The following GFOD1 variants were observed in gnomAD, a reference collection of about 807,000 sequenced individuals.
The protein encoded by GFOD1 is glucose-fructose oxidoreductase domain-containing protein 1.
A neutral mutation model predicts 25.4 loss-of-function variants in GFOD1; 9 were observed. That is an observed-to-expected ratio of 0.35 (90% CI 0.21 to 0.62). GFOD1 has a LOEUF of 0.62. Ranked by LOEUF, GFOD1 falls within the 20% of genes least tolerant of loss-of-function variation. GFOD1 has a pLI of 0.72. For synonymous variants in GFOD1, 253 were observed against 245.6 expected (o/e 1.03, Z -0.28); for missense variants, 403 against 556.9 (o/e 0.72, Z 2.78).
At chr6:13,409,898 G>A (rs1341992003) in intron 1 of GFOD1, among the ~76,000 whole-genome samples, 1 of 91,722 alleles carries the variant, frequency 1.1e-5, no homozygotes, top group Non-Finnish European at 2.9e-5. Context: ...ACTCTAGCCT[G>A]GGCGACAGAG....
intron 1 of GFOD1, among the ~76,000 whole-genome samples, chr6:13,367,747 C>T (rs1432451937): frequency 6.8e-6 from 1 of 146,872 alleles, no homozygotes; most frequent in Non-Finnish European, 1.5e-5. Context: ...GAGAAACAGC[C>T]AACTGGAGGG....
intron 1 of GFOD1, among the ~76,000 whole-genome samples, chr6:13,410,005 GTTTTTTTT>G: frequency 8.2e-6 from 1 of 121,602 alleles, no homozygotes; most frequent in Non-Finnish European, 1.6e-5. Context: ...CGGATTTTTA[GTTTTTTTT>G]TTTTTTTTTT....
chr6:13,456,144 C>T (rs1584662697), intron 1 of GFOD1, among the ~76,000 whole-genome samples: 1 of 152,264 alleles, frequency 6.6e-6, no homozygotes, highest in Admixed American at 6.5e-5. Flanking sequence ...TTCTAAGAGA[C>T]TCCTTTAGCT....
At chr6:13,436,679 T>TTCC (rs1460671537) in intron 1 of GFOD1, among the ~76,000 whole-genome samples, 2 of 152,218 alleles carry the variant, frequency 1.3e-5, no homozygotes, top group Non-Finnish European at 2.9e-5. Context: ...CTAAATGAAT[T>TTCC]TCCACAAGTC....
At position 13,368,687 on chromosome 6, in the gene GFOD1, A is replaced by G. The variant is rs1198920039; in HGVS notation, c.254-3025T>C. Among the ~76,000 whole-genome samples the G allele has an allele frequency of 3.3e-5, 5 of 152,288 alleles. No individual in the cohort carries two copies. The South Asian group carries it at 1.0e-3, about 32-fold the overall frequency. On this transcript the variant is annotated intron_variant, in intron 1 of 1. Transcript: ENST00000379287. ...ATTGGTCATATTAATGGCACTTAAG[A>G]AAAGGTTTTTATTTTTTTCTATTAT... is the stretch of plus-strand genomic sequence containing the variant.
chr6:13,443,401 A>G (rs576374859), intron 1 of GFOD1, among the ~76,000 whole-genome samples: 11 of 152,362 alleles, frequency 7.2e-5, no homozygotes, highest in Non-Finnish European at 1.5e-5. Context: ...GAGTGACTCC[A>G]ATTTTGAAAG....
At chr6:13,440,079 T>C (rs965132556) in intron 1 of GFOD1, among the ~76,000 whole-genome samples, 1 of 152,210 alleles carries the variant, frequency 6.6e-6, no homozygotes, top group African/African-American at 2.4e-5. Flanking sequence ...ATGTTGGCAA[T>C]CAATGATAAT....
rs111902044 is a variant in GFOD1 at position 13,365,511 on chromosome 6, G to A, written c.405C>T (p.Ile135=). Residue 135 remains isoleucine (I), a synonymous_variant, in exon 2 of 2, where the codon ATC becomes ATT. Transcript: ENST00000379287. The surrounding 1 kb of genome is among the most constrained non-coding windows in gnomAD (Gnocchi z 9.2). ...GCGGCTCGCCCACGTAGCCCTCCTCGATCAGCTGCTTCATGCGCACGAAAG... is the reference window on the plus strand; with the variant it reads ...GCGGCTCGCCCACGTAGCCCTCCTCAATCAGCTGCTTCATGCGCACGAAAG... ...LPAFVRMKQL[I]EEGYVGEPLV... is the part of the protein sequence containing the mutation. 6.9e-5 allele frequency: 112 copies of A among 1,612,960 alleles called. 1 individual carries two copies. In the African/African-American group the frequency reaches 8.7e-4, roughly 12 times the overall value.
At chr6:13,411,171 G>A (rs1197884300) in intron 1 of GFOD1, among the ~76,000 whole-genome samples, 1 of 152,206 alleles carries the variant, frequency 6.6e-6, no homozygotes, top group Non-Finnish European at 1.5e-5. Flanking sequence ...AAACACAGAG[G>A]AGAACAGAGA....
chr6:13,482,091 AT>A (rs1758764527), intron 1 of GFOD1, among the ~76,000 whole-genome samples: 1 of 149,324 alleles, frequency 6.7e-6, no homozygotes, highest in Non-Finnish European at 1.5e-5. Flanking sequence ...ATATGTATAT[AT>A]TATATGTTAT....
intron 1 of GFOD1, among the ~76,000 whole-genome samples, chr6:13,456,007 T>G (rs983797911): frequency 2.0e-5 from 3 of 152,188 alleles, no homozygotes; most frequent in African/African-American, 7.2e-5. Context: ...CCTGACAGGC[T>G]GGGGGCTCTC....
At chr6:13,439,740 A>G (rs1164010869) in intron 1 of GFOD1, among the ~76,000 whole-genome samples, 8 of 152,234 alleles carry the variant, frequency 5.3e-5, no homozygotes, top group Admixed American at 5.2e-4. Context: ...ATGAAACTCC[A>G]CTATTGAGCT....
At chr6:13,479,692 C>A (rs1227348499) in intron 1 of GFOD1, among the ~76,000 whole-genome samples, 1 of 152,224 alleles carries the variant, frequency 6.6e-6, no homozygotes. Flanking sequence ...ATTATCAAAG[C>A]CAGATATCCT....
At chr6:13,481,826 C>T (rs1361356366) in intron 1 of GFOD1, among the ~76,000 whole-genome samples, 1 of 152,234 alleles carries the variant, frequency 6.6e-6, no homozygotes, top group African/African-American at 2.4e-5. Flanking sequence ...TAAATGTAAT[C>T]AGCATGTACT....
chr6:13,455,918 G>A (rs573910348), intron 1 of GFOD1, among the ~76,000 whole-genome samples: 3 of 152,322 alleles, frequency 2.0e-5, no homozygotes, highest in South Asian at 2.1e-4. Context: ...GACAGGATGG[G>A]AGTTTACTAG....
intron 1 of GFOD1, among the ~76,000 whole-genome samples, chr6:13,438,232 G>A (rs2127571531): frequency 6.6e-6 from 1 of 152,266 alleles, no homozygotes; most frequent in South Asian, 2.1e-4. Flanking sequence ...TACCCCCAGT[G>A]CACAGTTGTG....
intron 1 of GFOD1, among the ~76,000 whole-genome samples, chr6:13,432,190 C>A (rs1279717440): frequency 6.6e-6 from 1 of 152,072 alleles, no homozygotes; most frequent in African/African-American, 2.4e-5. Flanking sequence ...CAACTAATCA[C>A]CAGATTTCTT....
At chr6:13,444,317 A>T (rs1238994981) in intron 1 of GFOD1, among the ~76,000 whole-genome samples, 2 of 152,064 alleles carry the variant, frequency 1.3e-5, no homozygotes, top group Admixed American at 1.3e-4. Context: ...ATGAGAATTC[A>T]TGGACACAAA....
At position 13,439,867 on chromosome 6, in the gene GFOD1, C is replaced by T. The variant is rs143341856; in HGVS notation, c.253+46771G>A. Among the ~76,000 whole-genome samples the T allele has an allele frequency of 3.2e-4, 49 of 152,212 alleles. No homozygotes were observed. The South Asian group carries it at 8.5e-3, about 26-fold the overall frequency. On this transcript the variant is annotated intron_variant, in intron 1 of 1. Coordinates refer to ENST00000379287, the MANE Select transcript of GFOD1 (RefSeq NM_018988.4). The stretch of plus-strand genomic sequence containing the variant: ...GATTCACCCCTAGAGACTGTTACAC[C>T]CTTGCTCTAGGATACAGCCTGGGCA...
Sources: allele counts gnomAD v4.1 joint callset (sites outside exome capture counted in the v4.1 genomes callset), GRCh38; gene constraint gnomAD v4.1.1; non-coding constraint Gnocchi (gnomAD v3.1); transcripts MANE v1.5; gene names NCBI Gene and HGNC (gene_info 2026-07-23, HGNC 2026-07-21).